The following CRYBG1 variants were observed in gnomAD, a reference collection of about 807,000 sequenced individuals.
CRYBG1 encodes beta/gamma crystallin domain-containing protein 1.
In CRYBG1, 139 loss-of-function variants were observed where a neutral mutation model predicts 189.2. The observed-to-expected ratio is 0.73, with a 90% CI of 0.64 to 0.85. CRYBG1 has a LOEUF of 0.85. CRYBG1 is among the 40% of genes least tolerant of loss of function. The probability of loss-of-function intolerance (pLI) is 0.00; values close to 1 mark genes in which losing one functional copy is unlikely to be tolerated. For missense variants in CRYBG1, 2,611 were observed against 2,675.8 expected (o/e 0.98, Z 0.53); for synonymous variants, 1,023 against 1,017.1 (o/e 1.01, Z -0.11).
chr6:106,451,092 G>C (rs539035241), intron 1 of CRYBG1, among the ~76,000 whole-genome samples: 55 of 152,314 alleles, frequency 3.6e-4, no homozygotes, highest in African/African-American at 1.2e-3. Flanking sequence ...AAGGCAGTGT[G>C]TATGGGGGAG....
chr6:106,448,519 A>T (rs1582768319), intron 1 of CRYBG1, among the ~76,000 whole-genome samples: 1 of 152,268 alleles, frequency 6.6e-6, no homozygotes, highest in Middle Eastern at 3.4e-3. Context: ...GTGTCGACTT[A>T]GTTTATCCCC....
At chr6:106,438,711 CT>C (rs57751500) in intron 1 of CRYBG1, among the ~76,000 whole-genome samples, 16,716 of 152,106 alleles carry the variant, frequency 0.11, 1,061 homozygotes, top group Middle Eastern at 0.17. Context: ...CCTTTTTCTA[CT>C]AGTAAAACAG....
chr6:106,570,164 T>C lies in CRYBG1; in HGVS notation c.*1598T>C, dbSNP rs1775018155. On this transcript the variant is annotated 3_prime_UTR_variant, in exon 22 of 22. Coordinates refer to ENST00000633556, the MANE Select transcript of CRYBG1 (RefSeq NM_001371242.2). Reference sequence around the variant, plus strand: ...TCAATACTGGTGCTCTTGTCACAGGTAGAACAGCTTGTTTCTTTTCCATCT... The same window carrying C: ...TCAATACTGGTGCTCTTGTCACAGGCAGAACAGCTTGTTTCTTTTCCATCT... 1 of 152,260 alleles carries C rather than the reference T, an allele frequency of 6.6e-6. No individual in the cohort carries two copies. The highest frequency in any genetic ancestry group is 6.5e-5 in the Admixed American group (1 of 15,280). 9.4% of individuals were successfully genotyped at this position (152,260 alleles called of 1,614,324 possible).
chr6:106,439,766 A>G (rs1039164070), intron 1 of CRYBG1, among the ~76,000 whole-genome samples: 4 of 151,952 alleles, frequency 2.6e-5, no homozygotes, highest in Non-Finnish European at 5.9e-5. Context: ...TTTTATACCC[A>G]CTGAGTACAG....
chr6:106,390,109 T>G (rs1375514253), intron 1 of CRYBG1, among the ~76,000 whole-genome samples: 2 of 152,170 alleles, frequency 1.3e-5, no homozygotes, highest in Non-Finnish European at 2.9e-5. Context: ...GCTTACAGTT[T>G]AATTAATTTT....
At chr6:106,511,280 T>C (rs1331187522) in intron 2 of CRYBG1, 150 bp from the exon 3 acceptor site, 11 of 777,920 alleles carry the variant, frequency 1.4e-5, no homozygotes, top group Non-Finnish European at 1.9e-5. Context: ...GTTTATTTTG[T>C]TGGAATGAAT....
intron 2 of CRYBG1, among the ~76,000 whole-genome samples, chr6:106,488,712 G>A (rs756464345): frequency 6.6e-6 from 1 of 152,174 alleles, no homozygotes; most frequent in Non-Finnish European, 1.5e-5. Context: ...CTGCACAGTT[G>A]GCTTGTGTCC....
intron 2 of CRYBG1, 31 bp downstream of exon 2, chr6:106,451,863 A>G: frequency 6.5e-7 from 1 of 1,526,762 alleles, no homozygotes; most frequent in Non-Finnish European, 8.8e-7. Flanking sequence ...TTTGACTCCC[A>G]AGAATAAACC....
rs113862076 is a variant in CRYBG1 at position 106,517,160 on chromosome 6, C to T, written c.1923-1971C>T. Among the ~76,000 whole-genome samples, 1,189 of 151,192 alleles carry T rather than the reference C, an allele frequency of 7.9e-3. 17 individuals are homozygous for T. Among genetic ancestry groups the T allele is most frequent in the African/African-American group, 0.028 (1,149 of 41,092 alleles). On this transcript the variant is annotated intron_variant, in intron 3 of 21. Coordinates refer to ENST00000633556, the MANE Select transcript of CRYBG1 (RefSeq NM_001371242.2). ...AATAGCTGGGACTACAGGCACGCACCACTTCACCTGGCTAATTTTTTTGTT... is the reference window on the plus strand; with the variant it reads ...AATAGCTGGGACTACAGGCACGCACTACTTCACCTGGCTAATTTTTTTGTT...
chr6:106,464,619 A>G lies in CRYBG1; in HGVS notation c.312+12787A>G, dbSNP rs1772076451. Among the ~76,000 whole-genome samples the G allele has an allele frequency of 2.0e-5, 3 of 152,312 alleles. No individual in the cohort carries two copies. In the South Asian group the frequency reaches 6.2e-4, roughly 32 times the overall value. On this transcript the variant is annotated intron_variant, in intron 2 of 21. Coordinates refer to ENST00000633556, the MANE Select transcript of CRYBG1 (RefSeq NM_001371242.2). ...TAAAATGAAGATTTCCAACTTAGAA[A>G]ATGAGAGAATTAGGGACTGTTCTGA...
chr6:106,468,976 A>G (rs1450823169), intron 2 of CRYBG1, among the ~76,000 whole-genome samples: 1 of 152,164 alleles, frequency 6.6e-6, no homozygotes, highest in Non-Finnish European at 1.5e-5. Context: ...ACTCCTCTGC[A>G]TGTAACTTTC....
At chr6:106,468,764 G>A (rs572395717) in intron 2 of CRYBG1, among the ~76,000 whole-genome samples, 1 of 152,164 alleles carries the variant, frequency 6.6e-6, no homozygotes, top group African/African-American at 2.4e-5. Context: ...TACATGAAAT[G>A]CACACAAAAA....
chr6:106,479,398 C>T (rs560437766), intron 2 of CRYBG1, among the ~76,000 whole-genome samples: 202 of 152,314 alleles, frequency 1.3e-3, no homozygotes, highest in African/African-American at 4.7e-3. Context: ...AACAGCATCC[C>T]ACTGGGAGTT....
At position 106,544,932 on chromosome 6, in the gene CRYBG1, G is replaced by A. The variant is rs1467939431; in HGVS notation, c.5311G>A (p.Val1771Ile). The A allele has an allele frequency of 6.3e-7, 1 of 1,592,568 alleles. No individual in the cohort carries two copies. The highest frequency in any genetic ancestry group is 1.4e-5 in the African/African-American group (1 of 73,584). The change falls in exon 13 of 22, where the codon GTA becomes ATA. Residue 1771 changes from valine (V) to isoleucine (I), a missense_variant and splice_region_variant. By Grantham distance (29) the Val-to-Ile change is conservative. Transcript: ENST00000633556. ...KTQSINVLSG[V>I]WVAYENPDFT... ...ACAGTCTATTAATGTACTGAGTGGAGTGTAAGTGAAATAATCCAGTTGGAA... is the reference window on the plus strand; with the variant it reads ...ACAGTCTATTAATGTACTGAGTGGAATGTAAGTGAAATAATCCAGTTGGAA...
chr6:106,433,025 G>A (rs1771364640), intron 1 of CRYBG1, among the ~76,000 whole-genome samples: 1 of 151,748 alleles, frequency 6.6e-6, no homozygotes, highest in African/African-American at 2.4e-5. Flanking sequence ...ATTTTTAGTA[G>A]AGAAGGGGTT....
chr6:106,547,923 G>A (rs1268283365), intron 13 of CRYBG1, among the ~76,000 whole-genome samples: 2 of 152,180 alleles, frequency 1.3e-5, no homozygotes, highest in Non-Finnish European at 2.9e-5. Flanking sequence ...CTCAAATAGT[G>A]GAAACTGGGC....
chr6:106,435,353 T>C (rs146681942), intron 1 of CRYBG1, among the ~76,000 whole-genome samples: 286 of 152,198 alleles, frequency 1.9e-3, no homozygotes, highest in African/African-American at 6.6e-3. Flanking sequence ...TTTGTAGCAA[T>C]AGGGCCTCAC....
intron 1 of CRYBG1, among the ~76,000 whole-genome samples, chr6:106,412,997 G>A (rs1183796636): frequency 6.6e-6 from 1 of 151,306 alleles, no homozygotes; most frequent in South Asian, 2.1e-4. Context: ...AAATTTCGAG[G>A]TGGTTCTGGC....
chr6:106,361,953 T>TTTTCTTTCTTTCTTTCTTTCTTTCTTTC (rs1229504243), intron 1 of CRYBG1, among the ~76,000 whole-genome samples: 1,267 of 88,922 alleles, frequency 0.014, 150 homozygotes, highest in Non-Finnish European at 0.019. Context: ...ATGGTTTTCC[T>TTTTCTTTCTTTCTTTCTTTCTTTCTTTC]TTTATTTCTT....
Sources: gnomAD v4.1 joint callset for allele counts (sites outside exome capture counted in the v4.1 genomes callset) on GRCh38, gnomAD v4.1.1 for gene constraint, MANE v1.5 for transcripts, NCBI Gene and HGNC (gene_info 2026-07-23, HGNC 2026-07-21) for gene names.